DCAKD: variants seen among roughly 807,000 people sequenced by gnomAD.
DCAKD encodes dephospho-CoA kinase domain-containing protein.
Under a neutral mutation model 18.7 loss-of-function variants are expected in DCAKD, and 15 were observed. The ratio of observed to expected loss-of-function variants is 0.80; its 90% CI spans 0.54 to 1.24. The LOEUF (loss-of-function observed/expected upper bound fraction) is 1.24. Among genes scored for constraint, DCAKD ranks in the 50% most tolerant of loss-of-function variants. DCAKD has a pLI of 0.00. For synonymous variants in DCAKD, 130 were observed against 133.0 expected, an observed-to-expected ratio of 0.98 and a Z score of 0.16; for missense variants, 301 against 322.0, an observed-to-expected ratio of 0.93 and a Z score of 0.50.
chr17:45,050,716 A>G (rs1051014640), intron 1 of DCAKD, among the ~76,000 whole-genome samples: 1 of 151,862 alleles, frequency 6.6e-6, no homozygotes, highest in Non-Finnish European at 1.5e-5. Context: ...GACATAAAAC[A>G]TATTCAAAGG....
intron 1 of DCAKD, among the ~76,000 whole-genome samples, chr17:45,036,353 A>T (rs2053297896): frequency 6.6e-6 from 1 of 152,154 alleles, no homozygotes. Flanking sequence ...CGTCTCTACT[A>T]AAAATACAAA....
chr17:45,026,280 C>T lies in DCAKD; in HGVS notation c.405-1556G>A, dbSNP rs183424435. Among the ~76,000 whole-genome samples, 416 of 137,870 alleles carry T rather than the reference C, an allele frequency of 3.0e-3. 7 individuals are homozygous for T. Among genetic ancestry groups the T allele is most frequent in the Admixed American group, 0.022 (281 of 12,844 alleles). The allele number at this position is 137,870 out of a possible 152,430, so 90.4% of individuals were successfully genotyped here. ...TCTTGCTCTTTCACCTAGGCTGGAG[C>T]GCAGTGGTGCGATCTCGGCTCACTG... On this transcript the variant is annotated intron_variant, in intron 4 of 4. Coordinates refer to ENST00000651974, the MANE Select transcript of DCAKD (RefSeq NM_001288655.2).
At chr17:45,030,535 G>C (rs1049135032) in intron 3 of DCAKD, among the ~76,000 whole-genome samples, 1 of 152,246 alleles carries the variant, frequency 6.6e-6, no homozygotes, top group African/African-American at 2.4e-5. Flanking sequence ...CTGAAGCAGA[G>C]GCCTCAGGCC....
intron 1 of DCAKD, among the ~76,000 whole-genome samples, chr17:45,036,424 G>A (rs1396759988): frequency 1.3e-5 from 2 of 152,186 alleles, no homozygotes; most frequent in Admixed American, 1.3e-4. Context: ...GCTGAGGCAG[G>A]AGAATCGCTT....
rs2052989324 is a variant in DCAKD, at chr17:45,023,695, A to G, written c.*738T>C. ...GCAGCAGGTTGAAGGCACAGAGGCA[A>G]GAAACAGCAAGGATGGTGTACACGG... On this transcript the variant is annotated 3_prime_UTR_variant, in exon 5 of 5. Coordinates refer to ENST00000651974, the MANE Select transcript of DCAKD (RefSeq NM_001288655.2). 6.6e-6 allele frequency: 1 copy of G among 152,224 alleles called. No individual in the cohort carries two copies. The highest frequency in any genetic ancestry group is 2.1e-4 in the South Asian group (1 of 4,820). 9.4% of individuals were successfully genotyped at this position (152,224 alleles called of 1,614,324 possible).
At chr17:45,056,155 CAA>C (rs60557987), upstream of DCAKD, among the ~76,000 whole-genome samples, 191 of 127,928 alleles carry the variant, frequency 1.5e-3, no homozygotes, top group Middle Eastern at 4.1e-3. Context: ...AGCTCCGTCT[CAA>C]AAAAAAAAAA....
At chr17:45,030,558 G>A (rs1292025817) in intron 3 of DCAKD, among the ~76,000 whole-genome samples, 1 of 152,260 alleles carries the variant, frequency 6.6e-6, no homozygotes, top group Non-Finnish European at 1.5e-5. Context: ...GTGAGGCAAG[G>A]AGGTGATCAG....
chr17:45,039,986 G>A (rs1383090859), intron 1 of DCAKD, among the ~76,000 whole-genome samples: 1 of 151,984 alleles, frequency 6.6e-6, no homozygotes, highest in Non-Finnish European at 1.5e-5. Flanking sequence ...CCACCTATTC[G>A]GAAGGCTGAG....
chr17:45,052,836 C>CT (rs2053735210), upstream of DCAKD, among the ~76,000 whole-genome samples: 1 of 151,762 alleles, frequency 6.6e-6, no homozygotes, highest in South Asian at 2.1e-4. Context: ...GCACTCCAGC[C>CT]TGGGCAACAA....
At chr17:45,052,052 C>A (rs181820933), upstream of DCAKD, among the ~76,000 whole-genome samples, 847 of 12,538 alleles carry the variant, frequency 0.068, 60 homozygotes, top group Admixed American at 0.1. Flanking sequence ...GTTGGGCGGG[C>A]GGGCGGACGC....
chr17:45,055,315 T>C (rs1383767553), upstream of DCAKD, among the ~76,000 whole-genome samples: 1 of 152,186 alleles, frequency 6.6e-6, no homozygotes, highest in Admixed American at 6.6e-5. Flanking sequence ...CCTGAGTCCA[T>C]TAGAGATGAC....
intron 1 of DCAKD, among the ~76,000 whole-genome samples, chr17:45,047,206 A>G (rs1023480669): frequency 1.5e-4 from 22 of 147,880 alleles, no homozygotes; most frequent in African/African-American, 4.6e-4. Flanking sequence ...ACAGCCAAAG[A>G]AAAAAAAAAG....
At position 45,034,809 on chromosome 17, in the gene DCAKD, C is replaced by G; in HGVS notation, c.77G>C (p.Cys26Ser). Reference sequence around the variant, plus strand: ...CATCACGTCCACGTCAATCACCGCACAGCCCAGCTGCTGGAACACCTGGAT... The same window carrying G: ...CATCACGTCCACGTCAATCACCGCAGAGCCCAGCTGCTGGAACACCTGGAT... ...SVIQVFQQLG[C>S]AVIDVDVMAR... The change falls in exon 2 of 5, where the codon TGT becomes TCT. Residue 26 changes from cysteine to serine, a missense_variant. By Grantham distance (112) the Cys-to-Ser change is moderately radical. Transcript: ENST00000651974. 6.2e-7 allele frequency: 1 copy of G among 1,614,234 alleles called. No homozygotes were observed. Among genetic ancestry groups the G allele is most frequent in the South Asian group, 1.1e-5 (1 of 91,080 alleles).
chr17:45,037,504 G>A (rs1282524770), intron 1 of DCAKD, among the ~76,000 whole-genome samples: 2 of 151,946 alleles, frequency 1.3e-5, no homozygotes, highest in Non-Finnish European at 1.5e-5. Flanking sequence ...TCGTTGCCCA[G>A]GCTGGAGTGC....
chr17:45,044,337 T>C (rs2053513628), intron 1 of DCAKD, among the ~76,000 whole-genome samples: 1 of 152,144 alleles, frequency 6.6e-6, no homozygotes, highest in South Asian at 2.1e-4. Context: ...CATCAGAGAC[T>C]GTCAGGTCCT....
Position 45,036,388 on chromosome 17 carries a change from C to T in DCAKD, c.-114-1389G>A, listed in dbSNP as rs563564536. Among the ~76,000 whole-genome samples, 570 of 152,214 alleles carry T rather than the reference C, an allele frequency of 3.7e-3. 1 individual carries two copies. Among genetic ancestry groups the T allele is most frequent in the Non-Finnish European group, 6.2e-3 (421 of 68,014 alleles). ...AAAATTAGCCAGGCCTGGTGGCGGG[C>T]GCCTGCAGTCCCAGCTACTCGGGAG... On this transcript the variant is annotated intron_variant, in intron 1 of 4. Transcript: ENST00000651974.
upstream of DCAKD, among the ~76,000 whole-genome samples, chr17:45,053,169 TAAAAAAAA>T (rs760029893): frequency 3.3e-4 from 25 of 75,744 alleles, 1 homozygote; most frequent in South Asian, 3.7e-3. Context: ...TGTCTCCAGT[TAAAAAAAA>T]AAAAAAAAAA....
chr17:45,050,759 A>C (rs1162014021), intron 1 of DCAKD, among the ~76,000 whole-genome samples: 1 of 151,624 alleles, frequency 6.6e-6, no homozygotes, highest in African/African-American at 2.4e-5. Flanking sequence ...ATTGAGACTT[A>C]ATGTCAAAGT....
At chr17:45,055,804 G>A (rs61544589), upstream of DCAKD, among the ~76,000 whole-genome samples, 2,466 of 152,202 alleles carry the variant, frequency 0.016, 134 homozygotes, top group East Asian at 0.14. Context: ...CAGTGTTCCC[G>A]AGGTTGGAAT....
Sources: allele counts gnomAD v4.1 joint callset (sites outside exome capture counted in the v4.1 genomes callset), GRCh38; gene constraint gnomAD v4.1.1; transcripts MANE v1.5; gene names NCBI Gene and HGNC (gene_info 2026-07-23, HGNC 2026-07-21).